SNRPN: variants seen among roughly 807,000 people sequenced by gnomAD.
SNRPN encodes the protein small nuclear ribonucleoprotein-associated protein N.
In SNRPN, 7 loss-of-function variants were observed where a neutral mutation model predicts 25.2. The observed-to-expected ratio is 0.28, with a 90% CI of 0.16 to 0.52. The LOEUF is 0.52. Ranked by LOEUF, SNRPN falls within the 20% of genes least tolerant of loss-of-function variation. The pLI is 0.96. For synonymous variants in SNRPN, 124 were observed against 110.6 expected, an observed-to-expected ratio of 1.12 and a Z score of -0.76; for missense variants, 196 against 322.5, an observed-to-expected ratio of 0.61 and a Z score of 3.00.
At chr15:24,948,756 A>G (rs1356242692) in intron 3 of SNRPN, among the ~76,000 whole-genome samples, 1 of 151,956 alleles carries the variant, frequency 6.6e-6, no homozygotes, top group Non-Finnish European at 1.5e-5. Context: ...GTTTTTAAAA[A>G]CTGATTTATA....
rs1374506291 is a variant in SNRPN, at chr15:24,873,454, C to T, written c.-578-13062C>T. Among the ~76,000 whole-genome samples the T allele has an allele frequency of 1.8e-5, 2 of 111,900 alleles. 1 individual carries two copies. Among genetic ancestry groups the T allele is most frequent in the Non-Finnish European group, 3.9e-5 (2 of 51,430 alleles). The allele number at this position is 111,900 out of a possible 152,430, so 73.4% of individuals were successfully genotyped here. A position where few individuals can be genotyped will look rare whatever the true frequency, so the allele number is the denominator to read the frequency against. ...CAATTCTCCTGCAAATATTTTGTCTCTCTTTTTTTTTGAGACAAAGTCTCG... is the reference window on the plus strand; with the variant it reads ...CAATTCTCCTGCAAATATTTTGTCTTTCTTTTTTTTTGAGACAAAGTCTCG... On this transcript the variant is annotated intron_variant, in intron 1 of 11. Transcript: ENST00000400097.
intron 2 of SNRPN, among the ~76,000 whole-genome samples, chr15:24,839,776 A>G (rs2051526328): frequency 6.6e-6 from 1 of 152,152 alleles, no homozygotes; most frequent in Non-Finnish European, 1.5e-5. Flanking sequence ...CCAGACAGCC[A>G]TGGGAGGAGC....
At chr15:24,890,351 C>G (rs1347561911) in intron 2 of SNRPN, among the ~76,000 whole-genome samples, 1 of 152,036 alleles carries the variant, frequency 6.6e-6, no homozygotes, top group Non-Finnish European at 1.5e-5. Flanking sequence ...CCTTTGTTCC[C>G]CAAAGCTATT....
chr15:24,896,506 C>G (rs187054579), intron 2 of SNRPN, among the ~76,000 whole-genome samples: 9 of 151,428 alleles, frequency 5.9e-5, no homozygotes, highest in Non-Finnish European at 1.0e-4. Context: ...GTCAGGAGAT[C>G]GAGACCCCCC....
chr15:24,950,922 T>C (rs918120103), upstream of SNRPN, among the ~76,000 whole-genome samples: 5 of 151,372 alleles, frequency 3.3e-5, no homozygotes, highest in African/African-American at 7.3e-5. Context: ...AGTGCAGTGG[T>C]GCAATCTCCC....
chr15:24,877,697 A>C (rs113929856), intron 1 of SNRPN, among the ~76,000 whole-genome samples: 3,944 of 113,866 alleles, frequency 0.035, 141 homozygotes, highest in East Asian at 0.26. Flanking sequence ...CACACACACA[A>C]ACACACTAGC....
Position 24,974,391 on chromosome 15 carries a change from C to T in SNRPN, c.-63C>T. On this transcript the variant is annotated 5_prime_UTR_variant, in exon 4 of 10. Coordinates refer to ENST00000390687, the MANE Select transcript of SNRPN (RefSeq NM_003097.6). Reference sequence around the variant, plus strand: ...GCGTCATACCTTTATCTATAGCCTTCCCCTAGGTCTTCAGAAGCATCAAGT... The same window carrying T: ...GCGTCATACCTTTATCTATAGCCTTTCCCTAGGTCTTCAGAAGCATCAAGT... 1 of 1,523,562 alleles carries T rather than the reference C, an allele frequency of 6.6e-7. No individual in the cohort carries two copies. The highest frequency in any genetic ancestry group is 1.7e-5 in the Admixed American group (1 of 59,914). The allele number at this position is 1,523,562 out of a possible 1,614,324, so 94.4% of individuals were successfully genotyped here.
chr15:24,962,250 C>T, intron 2 of SNRPN, 41 bp downstream of exon 2: 1 of 1,523,856 alleles, frequency 6.6e-7, no homozygotes. Flanking sequence ...AAGTCAGAAT[C>T]TCCTTTCAGA....
In SNRPN at chr15:24,933,454, C is replaced by T. The variant is rs559369605; in HGVS notation, c.-391+13330C>T. ...GCTGGGAGGGGATTCTTGGGGAAAACGGTGGTTGAGTTGGGGTTCAGAGGC... is the reference window on the plus strand; with the variant it reads ...GCTGGGAGGGGATTCTTGGGGAAAATGGTGGTTGAGTTGGGGTTCAGAGGC... On this transcript the variant is annotated intron_variant, in intron 3 of 11. Coordinates refer to the SNRPN transcript ENST00000400097. 1.4e-4 allele frequency among the ~76,000 whole-genome samples: 21 copies of T among 151,736 alleles called. No individual in the cohort carries two copies. The South Asian group carries it at 3.5e-3, about 26-fold the overall frequency.
chr15:24,870,307 G>A (rs1057110499), intron 1 of SNRPN, among the ~76,000 whole-genome samples: 3 of 152,102 alleles, frequency 2.0e-5, no homozygotes, highest in African/African-American at 7.2e-5. Flanking sequence ...GTCGATTTGA[G>A]GAGTAGTCAG....
intron 3 of SNRPN, chr15:24,942,168 C>T (rs972593292): frequency 1.3e-5 from 2 of 152,118 alleles, no homozygotes; most frequent in African/African-American, 4.8e-5. Flanking sequence ...ACTGCCAGAC[C>T]AGAAGAGTAT....
At chr15:24,935,143 G>A (rs1315729903) in intron 3 of SNRPN, among the ~76,000 whole-genome samples, 1 of 151,966 alleles carries the variant, frequency 6.6e-6, no homozygotes, top group African/African-American at 2.4e-5. Flanking sequence ...ATGGCAGCAT[G>A]CCCGTATAGT....
intron 2 of SNRPN, among the ~76,000 whole-genome samples, chr15:24,915,373 G>A (rs1022015638): frequency 7.9e-5 from 12 of 152,198 alleles, no homozygotes; most frequent in East Asian, 7.7e-4. Flanking sequence ...TGATCTGCCC[G>A]CTTCGGCCAC....
chr15:24,878,952 GT>G (rs1170496085), intron 1 of SNRPN, among the ~76,000 whole-genome samples: 1 of 151,858 alleles, frequency 6.6e-6, no homozygotes, highest in Non-Finnish European at 1.5e-5. Flanking sequence ...GAAACCCAGA[GT>G]TTTAGTATCT....
rs372713413 is a variant in SNRPN at position 24,834,728 on chromosome 15, C to CCTCTCTCTCTCTCTCTCT, written c.-579+4830_-579+4847dup. 4.0e-3 allele frequency among the ~76,000 whole-genome samples: 173 copies of CCTCTCTCTCTCTCTCTCT among 42,744 alleles called. 4 individuals are homozygous for CCTCTCTCTCTCTCTCTCT. The highest frequency in any genetic ancestry group is 6.6e-3 in the African/African-American group (85 of 12,940). The allele number at this position is 42,744 out of a possible 152,430, so 28.0% of individuals were successfully genotyped here. On this transcript the variant is annotated intron_variant, in intron 2 of 12. Transcript: ENST00000400100. ...GAGTGAGACCTTGTCTCTCTCTCTC[C>CCTCTCTCTCTCTCTCTCT]CTCTCTCTCTCTCTCTCTCTCTCTA...
chr15:24,974,362 A>G lies in SNRPN; in HGVS notation c.-92A>G. Reference sequence around the variant, plus strand: ...CCCAGCTTGCATTGTTTCTAGGAGAACCTGCGTCATACCTTTATCTATAGC... The same window carrying G: ...CCCAGCTTGCATTGTTTCTAGGAGAGCCTGCGTCATACCTTTATCTATAGC... On this transcript the variant is annotated 5_prime_UTR_variant, in exon 4 of 10. Transcript: ENST00000390687. The G allele has an allele frequency of 8.5e-7, 1 of 1,182,330 alleles. No individual in the cohort carries two copies. The highest frequency in any genetic ancestry group is 1.3e-6 in the Non-Finnish European group (1 of 786,272). 73.2% of individuals were successfully genotyped at this position (1,182,330 alleles called of 1,614,324 possible).
At chr15:24,968,787 A>G (rs192620951) in intron 3 of SNRPN, 1 of 152,256 alleles carries the variant, frequency 6.6e-6, no homozygotes, top group Admixed American at 6.5e-5. Flanking sequence ...TCCTCTTTGA[A>G]TCAGCAGACA....
intron 2 of SNRPN, among the ~76,000 whole-genome samples, chr15:24,889,646 G>C (rs1181214579): frequency 2.0e-5 from 3 of 152,082 alleles, no homozygotes; most frequent in African/African-American, 7.2e-5. Context: ...GGATGGGATT[G>C]TGGATCAATC....
intron 2 of SNRPN, chr15:24,909,717 A>T: frequency 8.1e-7 from 1 of 1,239,786 alleles, no homozygotes. Flanking sequence ...TGTATCACCA[A>T]GCGTTTCCGA....
Sources: gnomAD v4.1 joint callset for allele counts (sites outside exome capture counted in the v4.1 genomes callset) on GRCh38, gnomAD v4.1.1 for gene constraint, MANE v1.5 for transcripts, NCBI Gene and HGNC (gene_info 2026-07-23, HGNC 2026-07-21) for gene names.